Variants in OSBPL3 observed in about 807,000 individuals in gnomAD.
OSBPL3 encodes oxysterol-binding protein-related protein 3.
A neutral mutation model predicts 120.1 loss-of-function variants in OSBPL3; 65 were observed. The ratio of observed to expected loss-of-function variants is 0.54; its 90% CI spans 0.44 to 0.67. OSBPL3 has a LOEUF of 0.67. OSBPL3 is among the 30% of genes least tolerant of loss of function. The pLI, the probability that OSBPL3 is intolerant of heterozygous loss-of-function variation, is 0.00. For synonymous variants in OSBPL3, 416 were observed against 402.6 expected (o/e 1.03, Z -0.40); for missense variants, 1,004 against 1,082.1 (o/e 0.93, Z 1.01).
rs189906213 is a variant in OSBPL3, at chr7:24,882,466, T to A, written c.96+9911A>T. The stretch of plus-strand genomic sequence containing the variant: ...TTTTTGATGGCTCAACAGTATTCCA[T>A]GTGTGTATATATTTTCGTCATCCAT... On this transcript the variant is annotated intron_variant, in intron 2 of 22. Transcript: ENST00000313367. 1.6e-4 allele frequency among the ~76,000 whole-genome samples: 25 copies of A among 152,302 alleles called. No individual in the cohort carries two copies. The East Asian group carries it at 4.8e-3, about 29-fold the overall frequency.
At chr7:24,875,730 G>A (rs886136435) in intron 2 of OSBPL3, among the ~76,000 whole-genome samples, 5 of 150,678 alleles carry the variant, frequency 3.3e-5, no homozygotes, top group Admixed American at 6.6e-5. Flanking sequence ...AATTATATAT[G>A]TAATTTTTAA....
chr7:24,892,595 TG>T lies in OSBPL3; in HGVS notation c.-124del, dbSNP rs1055861758. On this transcript the variant is annotated 5_prime_UTR_variant, in exon 2 of 23. Coordinates refer to ENST00000313367, the MANE Select transcript of OSBPL3 (RefSeq NM_015550.4). Reference sequence around the variant, plus strand: ...TATCCAAAGTATTTAAAAAACATTTTGGGTGGCCCAAAGGAAACCCTAAAAC... The same window carrying T: ...TATCCAAAGTATTTAAAAAACATTTTGGTGGCCCAAAGGAAACCCTAAAAC... 1 of 1,422,202 alleles carries T rather than the reference TG, an allele frequency of 7.0e-7. No individual in the cohort carries two copies. Among genetic ancestry groups the T allele is most frequent in the African/African-American group, 1.4e-5 (1 of 70,216 alleles). The allele number at this position is 1,422,202 out of a possible 1,614,324, so 88.1% of individuals were successfully genotyped here.
Position 24,806,762 on chromosome 7 carries a change from T to C in OSBPL3, c.2444+14A>G. 6.2e-7 allele frequency: 1 copy of C among 1,611,704 alleles called. No homozygotes were observed. The highest frequency in any genetic ancestry group is 8.5e-7 in the Non-Finnish European group (1 of 1,179,016). Reference sequence around the variant, plus strand: ...TTACATCTCTGGAGAGAAAAATCTTTAAAAAATCCTTACCTCTGGTCTGGC... The same window carrying C: ...TTACATCTCTGGAGAGAAAAATCTTCAAAAAATCCTTACCTCTGGTCTGGC... On this transcript the variant is annotated intron_variant, in intron 21 of 22. Transcript: ENST00000313367. The surrounding 1 kb of genome is among the most constrained non-coding windows in gnomAD (Gnocchi z 5.2).
In OSBPL3 at chr7:24,822,524, A is replaced by G. The variant is rs1165031990; in HGVS notation, c.1885-2286T>C. 6.6e-6 allele frequency among the ~76,000 whole-genome samples: 1 copy of G among 152,214 alleles called. No individual in the cohort carries two copies. Among genetic ancestry groups the G allele is most frequent in the Non-Finnish European group, 1.5e-5 (1 of 68,034 alleles). Reference sequence around the variant, plus strand: ...ATGACCCACTATGAAATGGAAGGAAAGCTATGAAATGTTCCTCTCCCCCAT... The same window carrying G: ...ATGACCCACTATGAAATGGAAGGAAGGCTATGAAATGTTCCTCTCCCCCAT... On this transcript the variant is annotated intron_variant, in intron 16 of 22. Transcript: ENST00000313367. The surrounding 1 kb of genome is among the most constrained non-coding windows in gnomAD (Gnocchi z 5.8).
chr7:24,798,612 A>G lies in OSBPL3; in HGVS notation c.*1571T>C, dbSNP rs1388399771. The G allele has an allele frequency of 6.6e-6, 1 of 152,248 alleles. No individual in the cohort carries two copies. Among genetic ancestry groups the G allele is most frequent in the Non-Finnish European group, 1.5e-5 (1 of 68,040 alleles). The allele number at this position is 152,248 out of a possible 1,614,324, so 9.4% of individuals were successfully genotyped here. ...GCAGATTCCAGAAGGCTACACATCC[A>G]CTTTAAATAACTCTCCATTTTGAAA... On this transcript the variant is annotated 3_prime_UTR_variant, in exon 23 of 23. Transcript: ENST00000313367. This position sits in a 1 kb window ranked among gnomAD's most constrained non-coding sequence, Gnocchi z 4.6.
rs771264279 is a variant in OSBPL3 at position 24,797,297 on chromosome 7, G to A, written c.*2886C>T. On this transcript the variant is annotated 3_prime_UTR_variant, in exon 23 of 23. Coordinates refer to ENST00000313367, the MANE Select transcript of OSBPL3 (RefSeq NM_015550.4). The surrounding 1 kb of genome is among the most constrained non-coding windows in gnomAD (Gnocchi z 4.8). ...TGAGAAAAGCAGCAGTGTAAATGACGTAAACATTAAAAAATATATTAGTTT... is the reference window on the plus strand; with the variant it reads ...TGAGAAAAGCAGCAGTGTAAATGACATAAACATTAAAAAATATATTAGTTT... 6 of 152,156 alleles carry A rather than the reference G, an allele frequency of 3.9e-5. No individual in the cohort carries two copies. Among genetic ancestry groups the A allele is most frequent in the East Asian group, 3.8e-4 (2 of 5,196 alleles). 9.4% of individuals were successfully genotyped at this position (152,156 alleles called of 1,614,324 possible).
chr7:24,849,183 C>T lies in OSBPL3; in HGVS notation c.1159-7G>A. 6.2e-7 allele frequency: 1 copy of T among 1,606,794 alleles called. No homozygotes were observed. Among genetic ancestry groups the T allele is most frequent in the Non-Finnish European group, 8.5e-7 (1 of 1,173,786 alleles). Reference sequence around the variant, plus strand: ...CTGTGTTTTGTGCTAGGGCCTGGAACATGTTAAAATAGTGGGGCTCTGTTA... The same window carrying T: ...CTGTGTTTTGTGCTAGGGCCTGGAATATGTTAAAATAGTGGGGCTCTGTTA... On this transcript the variant is annotated splice_polypyrimidine_tract_variant and splice_region_variant and intron_variant, in intron 11 of 22. Coordinates refer to ENST00000313367, the MANE Select transcript of OSBPL3 (RefSeq NM_015550.4). This position sits in a 1 kb window ranked among gnomAD's most constrained non-coding sequence, Gnocchi z 5.4.
rs1809595489 is a variant in OSBPL3 at position 24,916,740 on chromosome 7, A to C, written c.-149-24119T>G. 6.6e-6 allele frequency among the ~76,000 whole-genome samples: 1 copy of C among 151,190 alleles called. No homozygotes were observed. The highest frequency in any genetic ancestry group is 2.4e-5 in the African/African-American group (1 of 41,040). On this transcript the variant is annotated intron_variant, in intron 1 of 22. Coordinates refer to ENST00000313367, the MANE Select transcript of OSBPL3 (RefSeq NM_015550.4). This position sits in a 1 kb window ranked among gnomAD's most constrained non-coding sequence, Gnocchi z 4.9. ...CATCATCTAGTAGGGAAGTGTAGAA[A>C]CCTCCCGATAATGTAGATAAGAAAA...
In OSBPL3 at chr7:24,798,943, C is replaced by T. The variant is rs1441340989; in HGVS notation, c.*1240G>A. On this transcript the variant is annotated 3_prime_UTR_variant, in exon 23 of 23. Transcript: ENST00000313367. This position sits in a 1 kb window ranked among gnomAD's most constrained non-coding sequence, Gnocchi z 4.6. Reference sequence around the variant, plus strand: ...CATATTATTGTAATGTGAAATAACACATTTAAAAAGACGAAGGTTCCCCTT... The same window carrying T: ...CATATTATTGTAATGTGAAATAACATATTTAAAAAGACGAAGGTTCCCCTT... 6.6e-6 allele frequency: 1 copy of T among 152,562 alleles called. No homozygotes were observed. The highest frequency in any genetic ancestry group is 1.5e-5 in the Non-Finnish European group (1 of 68,034). 9.5% of individuals were successfully genotyped at this position (152,562 alleles called of 1,614,324 possible).
At chr7:24,915,403 T>C (rs1420866287) in intron 1 of OSBPL3, among the ~76,000 whole-genome samples, 1 of 152,182 alleles carries the variant, frequency 6.6e-6, no homozygotes, top group East Asian at 1.9e-4. Flanking sequence ...AGACTAGAAA[T>C]GTGAACAACC....
intron 10 of OSBPL3, among the ~76,000 whole-genome samples, chr7:24,860,343 T>C (rs1013256277): frequency 3.3e-5 from 5 of 152,196 alleles, no homozygotes; most frequent in Admixed American, 6.5e-5. Context: ...CCAAATCTTA[T>C]CTTGAATTAT....
intron 1 of OSBPL3, among the ~76,000 whole-genome samples, chr7:24,893,430 G>A (rs1437794864): frequency 2.6e-5 from 4 of 152,170 alleles, no homozygotes; most frequent in African/African-American, 9.7e-5. Flanking sequence ...CAAATCCATA[G>A]AGACAGAAGG....
chr7:24,890,376 A>G (rs2128336241), intron 2 of OSBPL3, among the ~76,000 whole-genome samples: 1 of 152,326 alleles, frequency 6.6e-6, no homozygotes, highest in South Asian at 2.1e-4. Flanking sequence ...AGACCATCGG[A>G]AATGGCTGTG....
chr7:24,860,515 G>A (rs191769080), intron 10 of OSBPL3, among the ~76,000 whole-genome samples: 35 of 152,206 alleles, frequency 2.3e-4, no homozygotes, highest in Non-Finnish European at 8.8e-5. Flanking sequence ...ATTCTCTCTT[G>A]CCTGCCACCA....
chr7:24,915,563 G>C (rs1388944130), intron 1 of OSBPL3, among the ~76,000 whole-genome samples: 1 of 150,142 alleles, frequency 6.7e-6, no homozygotes, highest in Non-Finnish European at 1.5e-5. Flanking sequence ...TCACCATGTT[G>C]CCCACCAAAC....
At position 24,821,396 on chromosome 7, in the gene OSBPL3, C is replaced by G. The variant is rs947155269; in HGVS notation, c.1885-1158G>C. 6.6e-5 allele frequency among the ~76,000 whole-genome samples: 10 copies of G among 152,142 alleles called. No homozygotes were observed. The highest frequency in any genetic ancestry group is 2.2e-4 in the African/African-American group (9 of 41,420). On this transcript the variant is annotated intron_variant, in intron 16 of 22. Transcript: ENST00000313367. The surrounding 1 kb of genome is among the most constrained non-coding windows in gnomAD (Gnocchi z 5.5). ...TTTTCAGACCCGTCTTATCAAGAAC[C>G]CAGAATACTGAGCCCTTGCTTGAGA...
rs545564706 is a variant in OSBPL3, at chr7:24,820,444, G to A, written c.1885-206C>T. 3.3e-5 allele frequency among the ~76,000 whole-genome samples: 5 copies of A among 152,180 alleles called. No individual in the cohort carries two copies. The highest frequency in any genetic ancestry group is 7.3e-5 in the Non-Finnish European group (5 of 68,030). ...ACTTGCTCAGATTGGTCAAGGCTGA[G>A]GGGAAGGCCCTTGAACGGAAGCCTC... On this transcript the variant is annotated intron_variant, in intron 16 of 22. Transcript: ENST00000313367. This position sits in a 1 kb window ranked among gnomAD's most constrained non-coding sequence, Gnocchi z 4.6.
At position 24,892,500 on chromosome 7, in the gene OSBPL3, A is replaced by G. The variant is rs1465671259; in HGVS notation, c.-28T>C. 2.5e-6 allele frequency: 4 copies of G among 1,605,470 alleles called. 1 individual carries two copies. The South Asian group carries it at 4.4e-5, about 18-fold the overall frequency. ...ACAGCAAGTCACTTGGCCTCGAGAC[A>G]ATCAAAATGCCATCAGATGACAAGG... On this transcript the variant is annotated 5_prime_UTR_variant, in exon 2 of 23. Transcript: ENST00000313367.
rs1802444450 is a variant in OSBPL3, at chr7:24,873,478, A to C, written c.97-1409T>G. On this transcript the variant is annotated intron_variant, in intron 2 of 22. Transcript: ENST00000313367. The surrounding 1 kb of genome is among the most constrained non-coding windows in gnomAD (Gnocchi z 4.1). The stretch of plus-strand genomic sequence containing the variant: ...TTACCATGAATCCAATTAAAGGTAC[A>C]TTCCAGAGTTTTAAAATATCACAGT... 6.6e-6 allele frequency among the ~76,000 whole-genome samples: 1 copy of C among 152,226 alleles called. No individual in the cohort carries two copies. The highest frequency in any genetic ancestry group is 2.1e-4 in the South Asian group (1 of 4,828).
Sources: allele counts gnomAD v4.1 joint callset (sites outside exome capture counted in the v4.1 genomes callset), GRCh38; gene constraint gnomAD v4.1.1; non-coding constraint Gnocchi (gnomAD v3.1); transcripts MANE v1.5; gene names NCBI Gene and HGNC (gene_info 2026-07-23, HGNC 2026-07-21).